Variants in CEP112 observed in about 807,000 individuals in gnomAD.
CEP112 encodes centrosomal protein 112.
CEP112 carries 127 observed loss-of-function variants against 153.0 expected under a neutral mutation model. The ratio of observed to expected loss-of-function variants is 0.83; its 90% confidence interval spans 0.72 to 0.96. The LOEUF (loss-of-function observed/expected upper bound fraction) is 0.96, where lower values mean the gene tolerates loss of function less well. Ranked by LOEUF, CEP112 falls within the 40% of genes least tolerant of loss-of-function variation. CEP112 has a pLI of 0.00. For synonymous variants in CEP112, 358 were observed against 374.4 expected (o/e 0.96, Z 0.51); for missense variants, 1,089 against 1,101.2 (o/e 0.99, Z 0.16).
chr17:66,033,951 C>T (rs2065601468), intron 12 of CEP112, among the ~76,000 whole-genome samples: 1 of 151,464 alleles, frequency 6.6e-6, no homozygotes, highest in African/African-American at 2.4e-5. Flanking sequence ...ATTTTTTTTT[C>T]AACTAAATGG....
chr17:65,901,690 C>G (rs1455407970), intron 20 of CEP112, among the ~76,000 whole-genome samples: 1 of 151,826 alleles, frequency 6.6e-6, no homozygotes, highest in Non-Finnish European at 1.5e-5. Flanking sequence ...TCTGAGTGAT[C>G]TAATCAAATA....
At chr17:66,110,794 T>C (rs188155799) in intron 6 of CEP112, among the ~76,000 whole-genome samples, 13 of 151,862 alleles carry the variant, frequency 8.6e-5, no homozygotes, top group Non-Finnish European at 1.5e-4. Flanking sequence ...CTGGACATAG[T>C]CCTAGCAAAG....
At chr17:66,058,973 C>T (rs549089199) in intron 11 of CEP112, among the ~76,000 whole-genome samples, 8 of 151,984 alleles carry the variant, frequency 5.3e-5, no homozygotes, top group South Asian at 2.1e-4. Flanking sequence ...ACACATAGAC[C>T]GATGAAACAG....
intron 12 of CEP112, among the ~76,000 whole-genome samples, chr17:66,034,215 T>C (rs2065613116): frequency 6.6e-6 from 1 of 152,164 alleles, no homozygotes; most frequent in South Asian, 2.1e-4. Flanking sequence ...GGCCATATTA[T>C]AGAAAATATT....
chr17:65,749,957 T>A (rs1413683576), intron 22 of CEP112, among the ~76,000 whole-genome samples: 1 of 152,180 alleles, frequency 6.6e-6, no homozygotes, highest in Non-Finnish European at 1.5e-5. Flanking sequence ...AAAGTAAAGA[T>A]AAGTAGTATT....
chr17:66,186,054 G>A (rs946889031), intron 1 of CEP112, among the ~76,000 whole-genome samples: 4 of 148,822 alleles, frequency 2.7e-5, no homozygotes, highest in African/African-American at 5.0e-5. Context: ...CTCCCCACCC[G>A]CTCTCTCATG....
intron 18 of CEP112, among the ~76,000 whole-genome samples, chr17:65,938,120 C>A (rs1390347402): frequency 8.5e-6 from 1 of 117,776 alleles, no homozygotes; most frequent in Non-Finnish European, 1.8e-5. Flanking sequence ...GACCTTACCC[C>A]CAACCCTGTG....
In CEP112 at chr17:65,713,743, C is replaced by A. The variant is rs945779883; in HGVS notation, c.2608-24525G>T. Among the ~76,000 whole-genome samples, 4 of 152,240 alleles carry A rather than the reference C, an allele frequency of 2.6e-5. No individual in the cohort carries two copies. In the South Asian group the frequency reaches 8.3e-4, roughly 32 times the overall value. ...CTGGGAATACAGGCACCAGCCACCA[C>A]GCCTGGCTAATTTTTTTTGTATTTT... On this transcript the variant is annotated intron_variant, in intron 23 of 26. Coordinates refer to ENST00000535342, the MANE Select transcript of CEP112 (RefSeq NM_001199165.4).
intron 20 of CEP112, among the ~76,000 whole-genome samples, chr17:65,853,563 T>C (rs1177243836): frequency 1.3e-5 from 2 of 152,048 alleles, no homozygotes; most frequent in Non-Finnish European, 2.9e-5. Context: ...ACCCCGTCTC[T>C]ACTGAAAATG....
intron 20 of CEP112, among the ~76,000 whole-genome samples, chr17:65,882,772 G>C (rs1459678163): frequency 6.6e-6 from 1 of 152,166 alleles, no homozygotes; most frequent in Non-Finnish European, 1.5e-5. Context: ...AGCTCAAAGA[G>C]ATGAGAATGA....
chr17:65,929,912 T>G (rs1404235228), intron 18 of CEP112, among the ~76,000 whole-genome samples: 1 of 152,224 alleles, frequency 6.6e-6, no homozygotes, highest in Non-Finnish European at 1.5e-5. Context: ...TATGATCAGA[T>G]GCAATGAGAA....
chr17:65,649,750 A>G (rs1304545392), intron 24 of CEP112, among the ~76,000 whole-genome samples: 2 of 149,818 alleles, frequency 1.3e-5, no homozygotes, highest in African/African-American at 4.9e-5. Context: ...GCCCAATATT[A>G]CTTTACAAAG....
intron 19 of CEP112, among the ~76,000 whole-genome samples, chr17:65,926,243 G>A (rs187668961): frequency 5.9e-4 from 90 of 152,124 alleles, no homozygotes; most frequent in Middle Eastern, 6.8e-3. Flanking sequence ...ATTTTTGAAC[G>A]TGCAGTTCCC....
intron 11 of CEP112, among the ~76,000 whole-genome samples, chr17:66,059,263 C>T (rs1281916661): frequency 6.6e-6 from 1 of 151,992 alleles, no homozygotes; most frequent in Non-Finnish European, 1.5e-5. Flanking sequence ...ATGATTAAAT[C>T]CCCAAAAGCA....
chr17:65,956,401 T>TACAC (rs1189137970), intron 18 of CEP112, among the ~76,000 whole-genome samples: 6 of 76,658 alleles, frequency 7.8e-5, no homozygotes, highest in Non-Finnish European at 1.4e-4. Context: ...TATATATACA[T>TACAC]ACATACATAC....
intron 24 of CEP112, among the ~76,000 whole-genome samples, chr17:65,672,157 C>G (rs571102289): frequency 1.3e-5 from 2 of 151,984 alleles, no homozygotes; most frequent in Admixed American, 6.6e-5. Flanking sequence ...CAAGGGAAAC[C>G]CATGAAAAGA....
chr17:65,900,315 C>A (rs190682692), intron 20 of CEP112, among the ~76,000 whole-genome samples: 7 of 152,022 alleles, frequency 4.6e-5, no homozygotes, highest in Admixed American at 3.3e-4. Context: ...AAGAAAGACA[C>A]GAAATATGAG....
intron 16 of CEP112, among the ~76,000 whole-genome samples, chr17:66,026,899 G>A (rs1314519912): frequency 6.6e-6 from 1 of 152,110 alleles, no homozygotes; most frequent in Non-Finnish European, 1.5e-5. Context: ...ATGTTTGACT[G>A]AATCCACAGA....
chr17:65,701,898 GTTT>G (rs869242758), intron 23 of CEP112, among the ~76,000 whole-genome samples: 1 of 116,060 alleles, frequency 8.6e-6, no homozygotes, highest in African/African-American at 3.2e-5. Context: ...TTTTTTTTTT[GTTT>G]TTTTTTTTTT....
Sources: gnomAD v4.1 joint callset for allele counts (sites outside exome capture counted in the v4.1 genomes callset) on GRCh38, gnomAD v4.1.1 for gene constraint, MANE v1.5 for transcripts, NCBI Gene and HGNC (gene_info 2026-07-23, HGNC 2026-07-21) for gene names.